Variants in LRRFIP2 observed in about 807,000 individuals in gnomAD.
The protein encoded by LRRFIP2 is LRR binding FLII interacting protein 2.
A neutral mutation model predicts 125.9 loss-of-function variants in LRRFIP2; 109 were observed. The observed-to-expected ratio is 0.87, with a 90% CI of 0.74 to 1.01. The LOEUF (loss-of-function observed/expected upper bound fraction) is 1.01. LRRFIP2 is among the 50% of genes least tolerant of loss of function. LRRFIP2 has a pLI of 0.00. For missense variants in LRRFIP2, 850 were observed against 862.3 expected, an observed-to-expected ratio of 0.99 and a Z score of 0.18; for synonymous variants, 291 against 293.1, an observed-to-expected ratio of 0.99 and a Z score of 0.07.
In LRRFIP2 at chr3:37,131,794, C is replaced by T. The variant is rs568426092; in HGVS notation, c.91-2645G>A. 5.9e-5 allele frequency among the ~76,000 whole-genome samples: 9 copies of T among 152,260 alleles called. No homozygotes were observed. In the East Asian group the frequency reaches 1.7e-3, roughly 29 times the overall value. On this transcript the variant is annotated intron_variant, in intron 2 of 27. Coordinates refer to ENST00000336686, the MANE Select transcript of LRRFIP2 (RefSeq NM_006309.4). ...CTCACAAAGTTGAAGAATACAGAGA[C>T]ACAATGCTTATGGGAAGGAAGCATG... is the stretch of plus-strand genomic sequence containing the variant.
At chr3:37,150,730 T>A (rs1275426210) in intron 1 of LRRFIP2, among the ~76,000 whole-genome samples, 1 of 152,186 alleles carries the variant, frequency 6.6e-6, no homozygotes, top group African/African-American at 2.4e-5. Context: ...ATTTTTGACT[T>A]GCTTTAACAA....
At chr3:37,147,380 T>TA (rs1416521126) in intron 2 of LRRFIP2, among the ~76,000 whole-genome samples, 2 of 152,194 alleles carry the variant, frequency 1.3e-5, no homozygotes, top group Non-Finnish European at 2.9e-5. Flanking sequence ...CATTCTATTA[T>TA]AAAAATACCT....
intron 2 of LRRFIP2, among the ~76,000 whole-genome samples, chr3:37,135,544 A>G (rs1057034185): frequency 1.3e-5 from 2 of 152,152 alleles, no homozygotes; most frequent in Non-Finnish European, 2.9e-5. Flanking sequence ...TTCCTTTACC[A>G]TCATAATTTT....
intron 1 of LRRFIP2, among the ~76,000 whole-genome samples, chr3:37,165,688 G>T (rs1245301667): frequency 3.3e-5 from 5 of 151,490 alleles, no homozygotes; most frequent in Non-Finnish European, 7.4e-5. Context: ...GGAGGTGGTG[G>T]AGGTTGCAGT....
upstream of LRRFIP2, chr3:37,176,185 G>A (rs929465766): frequency 6.6e-6 from 1 of 152,266 alleles, no homozygotes; most frequent in East Asian, 1.9e-4. Flanking sequence ...CTGGGTCCCC[G>A]GCCAGGCGGG....
chr3:37,143,820 C>T (rs1478260096), intron 2 of LRRFIP2: 1 of 159,142 alleles, frequency 6.3e-6, no homozygotes, highest in Non-Finnish European at 1.4e-5. Flanking sequence ...AATTTTCCAC[C>T]CTAGTAGTAA....
At chr3:37,071,165 A>G (rs530118353) in intron 21 of LRRFIP2, among the ~76,000 whole-genome samples, 1 of 152,336 alleles carries the variant, frequency 6.6e-6, no homozygotes, top group East Asian at 1.9e-4. Flanking sequence ...AATACTCAGC[A>G]ATTTGAAAGT....
chr3:37,120,649 A>G (rs914938741), intron 6 of LRRFIP2, among the ~76,000 whole-genome samples: 2 of 152,170 alleles, frequency 1.3e-5, no homozygotes, highest in East Asian at 1.9e-4. Flanking sequence ...CAAGGTAGAA[A>G]GAAAATTACA....
chr3:37,120,740 C>A (rs1432714827), intron 6 of LRRFIP2, among the ~76,000 whole-genome samples: 1 of 151,592 alleles, frequency 6.6e-6, no homozygotes, highest in Non-Finnish European at 1.5e-5. Context: ...AGTATACATA[C>A]AGCATTGTAA....
At chr3:37,149,589 T>C (rs1322663579) in intron 1 of LRRFIP2, among the ~76,000 whole-genome samples, 1 of 152,212 alleles carries the variant, frequency 6.6e-6, no homozygotes, top group Non-Finnish European at 1.5e-5. Context: ...ATGAAAAACA[T>C]TTCAGAAGTT....
At chr3:37,122,211 T>C (rs1012479697) in intron 4 of LRRFIP2, among the ~76,000 whole-genome samples, 1 of 152,020 alleles carries the variant, frequency 6.6e-6, no homozygotes, top group Non-Finnish European at 1.5e-5. Flanking sequence ...AATGATGGTT[T>C]CCAGCTTCAT....
intron 19 of LRRFIP2, among the ~76,000 whole-genome samples, chr3:37,080,300 G>A (rs554971719): frequency 3.7e-4 from 56 of 152,106 alleles, no homozygotes; most frequent in African/African-American, 1.2e-3. Flanking sequence ...GAAGGCTGAG[G>A]CAGGAGAATC....
At chr3:37,136,580 T>A (rs1380549867) in intron 2 of LRRFIP2, among the ~76,000 whole-genome samples, 2 of 152,118 alleles carry the variant, frequency 1.3e-5, no homozygotes, top group Admixed American at 1.3e-4. Context: ...TTATAACCTA[T>A]TAATAACAAG....
intron 15 of LRRFIP2, among the ~76,000 whole-genome samples, chr3:37,100,325 T>C (rs995944428): frequency 6.8e-6 from 1 of 147,930 alleles, no homozygotes; most frequent in East Asian, 1.9e-4. Context: ...ACCCTGTCTC[T>C]TTAAAAAAAT....
chr3:37,172,655 T>A (rs2096601468), intron 1 of LRRFIP2: 1 of 152,252 alleles, frequency 6.6e-6, no homozygotes. Flanking sequence ...TCTACTTTTA[T>A]CTACTGCTCT....
intron 7 of LRRFIP2, among the ~76,000 whole-genome samples, chr3:37,114,334 A>G (rs1405291197): frequency 6.6e-6 from 1 of 152,192 alleles, no homozygotes; most frequent in Non-Finnish European, 1.5e-5. Flanking sequence ...ACACTACTGG[A>G]TGTTTTCTAT....
chr3:37,113,033 AAAT>A (rs1312338424), intron 7 of LRRFIP2, 53 bp from the exon 8 acceptor site: 3 of 992,100 alleles, frequency 3.0e-6, no homozygotes, highest in Non-Finnish European at 4.7e-6. Context: ...GAAGTTATGA[AAAT>A]AATAAAATTC....
intron 11 of LRRFIP2, among the ~76,000 whole-genome samples, chr3:37,109,041 T>C (rs939230961): frequency 7.9e-5 from 12 of 152,160 alleles, no homozygotes; most frequent in African/African-American, 2.7e-4. Context: ...AATTAAGTTA[T>C]AAAACCTCAG....
chr3:37,117,391 G>T (rs2094838888), intron 6 of LRRFIP2, among the ~76,000 whole-genome samples: 1 of 151,994 alleles, frequency 6.6e-6, no homozygotes, highest in Admixed American at 6.6e-5. Flanking sequence ...AATCTATCTG[G>T]TAGGAAAATC....
Sources: gnomAD v4.1 joint callset for allele counts (sites outside exome capture counted in the v4.1 genomes callset) on GRCh38, gnomAD v4.1.1 for gene constraint, MANE v1.5 for transcripts, NCBI Gene and HGNC (gene_info 2026-07-23, HGNC 2026-07-21) for gene names.